LUZP2: variants seen among roughly 807,000 people sequenced by gnomAD.
The protein encoded by LUZP2 is leucine zipper protein 2.
In LUZP2, 52 loss-of-function variants were observed where a neutral mutation model predicts 51.6. That is an observed-to-expected ratio of 1.01 (90% CI 0.81 to 1.27). The LOEUF (loss-of-function observed/expected upper bound fraction) is 1.27. LUZP2 is among the 50% of genes most tolerant of loss of function. LUZP2 has a pLI of 0.00. For synonymous variants in LUZP2, 154 were observed against 137.3 expected, an observed-to-expected ratio of 1.12 and a Z score of -0.85; for missense variants, 436 against 395.4, an observed-to-expected ratio of 1.10 and a Z score of -0.87.
At chr11:25,076,210 T>A (rs1386059277) in intron 10 of LUZP2, among the ~76,000 whole-genome samples, 1 of 151,812 alleles carries the variant, frequency 6.6e-6, no homozygotes, top group Non-Finnish European at 1.5e-5. Flanking sequence ...TTGTTTTCGT[T>A]TTTGTTTTTG....
intron 7 of LUZP2, among the ~76,000 whole-genome samples, chr11:24,965,354 C>T (rs1458467637): frequency 6.6e-6 from 1 of 150,464 alleles, no homozygotes; most frequent in African/African-American, 2.4e-5. Flanking sequence ...TCAGTTTTCT[C>T]CACAGAAAAC....
chr11:24,943,486 G>A (rs1033768844), intron 7 of LUZP2, among the ~76,000 whole-genome samples: 2 of 152,068 alleles, frequency 1.3e-5, no homozygotes, highest in Admixed American at 6.6e-5. Context: ...GATCTACTGC[G>A]GTTATTTGAG....
intron 7 of LUZP2, among the ~76,000 whole-genome samples, chr11:24,932,850 G>A (rs1340994307): frequency 6.6e-6 from 1 of 152,160 alleles, no homozygotes; most frequent in Non-Finnish European, 1.5e-5. Flanking sequence ...TCTGCATTCA[G>A]TCAGAATTGT....
intron 7 of LUZP2, among the ~76,000 whole-genome samples, chr11:24,972,137 C>G (rs1414533573): frequency 8.3e-4 from 10 of 11,994 alleles, no homozygotes; most frequent in African/African-American, 1.1e-3. Flanking sequence ...GAGTGAGACT[C>G]CGAAAAAAAA....
intron 4 of LUZP2, among the ~76,000 whole-genome samples, chr11:24,750,186 A>C (rs1859528036): frequency 6.6e-6 from 1 of 152,172 alleles, no homozygotes; most frequent in Non-Finnish European, 1.5e-5. Flanking sequence ...TTTCTTACCC[A>C]GATGAATGCC....
chr11:25,011,363 C>T (rs997038420), intron 9 of LUZP2, among the ~76,000 whole-genome samples: 2 of 152,088 alleles, frequency 1.3e-5, no homozygotes, highest in African/African-American at 4.8e-5. Context: ...TGAACTTTTG[C>T]ATTAGACACA....
At chr11:24,754,203 C>A (rs1590455802) in intron 4 of LUZP2, among the ~76,000 whole-genome samples, 1 of 152,032 alleles carries the variant, frequency 6.6e-6, no homozygotes, top group East Asian at 1.9e-4. Flanking sequence ...CACTATGTTG[C>A]CCAGACTGGT....
intron 5 of LUZP2, among the ~76,000 whole-genome samples, chr11:24,850,061 C>T (rs569991303): frequency 6.6e-6 from 1 of 152,246 alleles, no homozygotes; most frequent in Admixed American, 6.5e-5. Flanking sequence ...ATTTTCCTCC[C>T]ATTCTGTAGG....
chr11:25,013,754 C>T (rs1049139691), intron 9 of LUZP2, among the ~76,000 whole-genome samples: 2 of 143,032 alleles, frequency 1.4e-5, no homozygotes, highest in African/African-American at 6.0e-5. Flanking sequence ...ATTTATTATT[C>T]TTTTTTTATT....
chr11:24,825,727 C>G (rs1285254534), intron 5 of LUZP2, among the ~76,000 whole-genome samples: 2 of 151,966 alleles, frequency 1.3e-5, no homozygotes, highest in Non-Finnish European at 2.9e-5. Flanking sequence ...CTTATTTCGA[C>G]AGAAATCCCA....
chr11:25,047,113 T>G (rs911027003), intron 9 of LUZP2, among the ~76,000 whole-genome samples: 1 of 152,150 alleles, frequency 6.6e-6, no homozygotes, highest in African/African-American at 2.4e-5. Flanking sequence ...TTAGTGTGAT[T>G]CAATCCATTC....
At chr11:25,013,608 T>C (rs1219384464) in intron 9 of LUZP2, among the ~76,000 whole-genome samples, 1 of 152,086 alleles carries the variant, frequency 6.6e-6, no homozygotes, top group Non-Finnish European at 1.5e-5. Context: ...TGTTAATGTC[T>C]CTGAGATAAA....
At chr11:24,502,128 C>T (rs1590108595) in intron 1 of LUZP2, among the ~76,000 whole-genome samples, 6 of 139,884 alleles carry the variant, frequency 4.3e-5, no homozygotes, top group Admixed American at 4.1e-4. Context: ...TAGCATATTC[C>T]CTAAGTACTC....
At chr11:24,815,651 G>A (rs889381821) in intron 5 of LUZP2, among the ~76,000 whole-genome samples, 1 of 152,090 alleles carries the variant, frequency 6.6e-6, no homozygotes, top group African/African-American at 2.4e-5. Context: ...AGAACAGATG[G>A]GTTGGGTTTG....
intron 5 of LUZP2, among the ~76,000 whole-genome samples, chr11:24,854,138 C>G (rs77450720): frequency 6.6e-6 from 1 of 152,214 alleles, no homozygotes; most frequent in Non-Finnish European, 1.5e-5. Flanking sequence ...CTTAGCAGAG[C>G]TAGAGCACTG....
chr11:24,541,298 G>A (rs556161365), intron 1 of LUZP2, among the ~76,000 whole-genome samples: 5 of 148,232 alleles, frequency 3.4e-5, no homozygotes, highest in South Asian at 2.1e-4. Context: ...GATGGCATTC[G>A]CCTACAGCTT....
chr11:24,688,106 G>C (rs1856952263), intron 1 of LUZP2, among the ~76,000 whole-genome samples: 1 of 152,092 alleles, frequency 6.6e-6, no homozygotes, highest in African/African-American at 2.4e-5. Context: ...CTCTTTTTCA[G>C]GGAGTTAAGT....
chr11:24,577,898 T>C (rs1163472410), intron 1 of LUZP2, among the ~76,000 whole-genome samples: 1 of 152,068 alleles, frequency 6.6e-6, no homozygotes. Context: ...CTTTAACAAA[T>C]GGGGTTTTAT....
chr11:24,764,490 T>TAAAAAAAAAAAAAAAAAAAAAAAAAAA (rs869045272), intron 5 of LUZP2, among the ~76,000 whole-genome samples: 21 of 94,032 alleles, frequency 2.2e-4, no homozygotes, highest in Middle Eastern at 6.4e-3. Flanking sequence ...ATCTCATCTC[T>TAAAAAAAAAAAAAAAAAAAAAAAAAAA]AAAAAAAAAA....
Sources: gnomAD v4.1 joint callset for allele counts (sites outside exome capture counted in the v4.1 genomes callset) on GRCh38, gnomAD v4.1.1 for gene constraint, MANE v1.5 for transcripts, NCBI Gene and HGNC (gene_info 2026-07-23, HGNC 2026-07-21) for gene names.